Variants in DLGAP1 observed in about 807,000 individuals in gnomAD.
DLGAP1 encodes the protein disks large-associated protein 1.
A neutral mutation model predicts 90.8 loss-of-function variants in DLGAP1; 11 were observed. That is an observed-to-expected ratio of 0.12 (90% CI 0.08 to 0.20). DLGAP1 has a LOEUF of 0.20. Among genes scored for constraint, DLGAP1 ranks in the 10% least tolerant of loss-of-function variants. The pLI, the probability that DLGAP1 is intolerant of heterozygous loss-of-function variation, is 1.00. For synonymous variants in DLGAP1, 558 were observed against 540.7 expected (o/e 1.03, Z -0.44); for missense variants, 1,050 against 1,333.8 (o/e 0.79, Z 3.31).
chr18:4,237,690 G>GA (rs146425053), intron 1 of DLGAP1, among the ~76,000 whole-genome samples: 3,113 of 138,992 alleles, frequency 0.022, 49 homozygotes, highest in Middle Eastern at 0.042. Context: ...CATTTATAAA[G>GA]AAAAAAAAAA....
intron 2 of DLGAP1, among the ~76,000 whole-genome samples, chr18:4,150,641 C>T (rs1188712567): frequency 6.6e-6 from 1 of 152,154 alleles, no homozygotes; most frequent in Non-Finnish European, 1.5e-5. Flanking sequence ...ACCATATTGG[C>T]CAGGCTGGTC....
chr18:4,056,443 C>T (rs1164129470), intron 2 of DLGAP1, among the ~76,000 whole-genome samples: 1 of 152,160 alleles, frequency 6.6e-6, no homozygotes, highest in Non-Finnish European at 1.5e-5. Context: ...AGCCCTCAGA[C>T]AGTTATGATC....
At chr18:4,038,138 C>T (rs904180346) in intron 2 of DLGAP1, among the ~76,000 whole-genome samples, 4 of 152,104 alleles carry the variant, frequency 2.6e-5, no homozygotes, top group Non-Finnish European at 5.9e-5. Flanking sequence ...TTTCTTAATC[C>T]TAGATGCTAC....
Position 3,499,533 on chromosome 18 carries a change from T to A in DLGAP1, c.2725-139A>T. On this transcript the variant is annotated intron_variant, in intron 12 of 12. Transcript: ENST00000315677. This position sits in a 1 kb window ranked among gnomAD's most constrained non-coding sequence, Gnocchi z 6.4. ...CTGATCTGCACACTGCATATCTACT[T>A]TTTTCTTCATTATTCTGGCTTGGGC... 1.2e-6 allele frequency: 1 copy of A among 827,542 alleles called. No individual in the cohort carries two copies. The highest frequency in any genetic ancestry group is 1.8e-6 in the Non-Finnish European group (1 of 554,188). 51.3% of individuals were successfully genotyped at this position (827,542 alleles called of 1,614,324 possible).
intron 9 of DLGAP1, among the ~76,000 whole-genome samples, chr18:3,553,645 T>G (rs1185950546): frequency 6.6e-6 from 1 of 152,150 alleles, no homozygotes; most frequent in East Asian, 1.9e-4. Context: ...GCAGTTCTCC[T>G]GCCTCAGCCT....
intron 1 of DLGAP1, among the ~76,000 whole-genome samples, chr18:4,199,406 T>A (rs1418998680): frequency 6.6e-6 from 1 of 152,248 alleles, no homozygotes; most frequent in East Asian, 1.9e-4. Flanking sequence ...CAACATGTCA[T>A]CGTTTAATTG....
At chr18:3,929,601 T>A (rs1264636254) in intron 3 of DLGAP1, among the ~76,000 whole-genome samples, 1 of 152,040 alleles carries the variant, frequency 6.6e-6, no homozygotes, top group African/African-American at 2.4e-5. Context: ...TTGTGCAGAG[T>A]TTGTGGGTGT....
At position 4,156,300 on chromosome 18, in the gene DLGAP1, T is replaced by A. The variant is rs113217423; in HGVS notation, c.-266-5013A>T. 5.6e-3 allele frequency among the ~76,000 whole-genome samples: 851 copies of A among 152,308 alleles called. 7 individuals carry two copies. The highest frequency in any genetic ancestry group is 0.017 in the African/African-American group (724 of 41,550). ...AGTTTGTGTTAGAAGCTTTCTGGTA[T>A]AGCATAGGTGATTGGTAGTATTCCT... On this transcript the variant is annotated intron_variant, in intron 1 of 12. Transcript: ENST00000315677.
intron 1 of DLGAP1, among the ~76,000 whole-genome samples, chr18:4,224,153 A>G (rs2078136782): frequency 1.3e-5 from 2 of 152,252 alleles, no homozygotes; most frequent in South Asian, 4.2e-4. Context: ...CGGGCTGACT[A>G]AAGAGCTTTT....
chr18:4,305,489 G>A (rs535595608), intron 1 of DLGAP1, among the ~76,000 whole-genome samples: 1,392 of 89,682 alleles, frequency 0.016, 33 homozygotes, highest in African/African-American at 0.12. Context: ...AGCCGAGATC[G>A]TGGCACTGCA....
intron 1 of DLGAP1, among the ~76,000 whole-genome samples, chr18:4,216,799 CAT>C (rs1468234712): frequency 6.6e-6 from 1 of 152,118 alleles, no homozygotes; most frequent in African/African-American, 2.4e-5. Flanking sequence ...TAAAACCTAA[CAT>C]CACTCAGTTT....
rs1239141771 is a variant in DLGAP1, at chr18:4,341,750, G to T, written c.-267+113256C>A. ...AATAGTATTTGGTATACTGGATACT[G>T]CATATTTTTTGTCAGACATCAAACA... On this transcript the variant is annotated intron_variant, in intron 1 of 12. Transcript: ENST00000315677. 2.0e-5 allele frequency among the ~76,000 whole-genome samples: 3 copies of T among 152,080 alleles called. No homozygotes were observed. The East Asian group carries it at 5.8e-4, about 29-fold the overall frequency.
At chr18:3,738,491 C>G (rs1244247451) in intron 6 of DLGAP1, among the ~76,000 whole-genome samples, 1 of 148,992 alleles carries the variant, frequency 6.7e-6, no homozygotes, top group Non-Finnish European at 1.5e-5. Flanking sequence ...ACTATCTGAT[C>G]TTTGACAAAC....
At chr18:3,645,977 C>T (rs528703077) in intron 7 of DLGAP1, among the ~76,000 whole-genome samples, 2 of 152,308 alleles carry the variant, frequency 1.3e-5, no homozygotes, top group East Asian at 1.9e-4. Context: ...TTTACATCAT[C>T]GTGCCTTACA....
At chr18:3,825,494 T>C (rs972946151) in intron 4 of DLGAP1, among the ~76,000 whole-genome samples, 2 of 152,250 alleles carry the variant, frequency 1.3e-5, no homozygotes, top group Admixed American at 1.3e-4. Context: ...ATACAATGCC[T>C]GCACATCACT....
intron 1 of DLGAP1, among the ~76,000 whole-genome samples, chr18:4,450,833 A>T (rs999870863): frequency 6.6e-6 from 1 of 152,234 alleles, no homozygotes; most frequent in Non-Finnish European, 1.5e-5. Flanking sequence ...AGAGGGAGGA[A>T]GGTGGTTTGC....
chr18:4,225,333 G>A (rs1369415563), intron 1 of DLGAP1, among the ~76,000 whole-genome samples: 1 of 151,968 alleles, frequency 6.6e-6, no homozygotes, highest in Admixed American at 6.6e-5. Flanking sequence ...AGACGGACAG[G>A]TACAAACAAG....
intron 3 of DLGAP1, among the ~76,000 whole-genome samples, chr18:3,991,967 G>C (rs2073978631): frequency 6.6e-6 from 1 of 152,114 alleles, no homozygotes; most frequent in South Asian, 2.1e-4. Context: ...TATCTCTGGA[G>C]ACTCAGCTTT....
intron 3 of DLGAP1, among the ~76,000 whole-genome samples, chr18:4,000,816 T>C (rs1427482727): frequency 6.6e-6 from 1 of 152,260 alleles, no homozygotes; most frequent in Non-Finnish European, 1.5e-5. Flanking sequence ...GGATATTGAC[T>C]TTTTAACTAG....
Sources: gnomAD v4.1 joint callset for allele counts (sites outside exome capture counted in the v4.1 genomes callset) on GRCh38, gnomAD v4.1.1 for gene constraint, Gnocchi (gnomAD v3.1) non-coding constraint, MANE v1.5 for transcripts, NCBI Gene and HGNC (gene_info 2026-07-23, HGNC 2026-07-21) for gene names.